Variants in MRPS28 observed in about 807,000 individuals in gnomAD.
MRPS28 encodes the protein mitochondrial ribosomal protein S28.
MRPS28 carries 7 observed loss-of-function variants against 10.8 expected under a neutral mutation model. The ratio of observed to expected loss-of-function variants is 0.65; its 90% CI spans 0.37 to 1.22. The LOEUF is 1.22. MRPS28 is among the 50% of genes most tolerant of loss of function. The pLI, the probability that MRPS28 is intolerant of heterozygous loss-of-function variation, is 0.02. For missense variants in MRPS28, 265 were observed against 232.9 expected (o/e 1.14, Z -0.90); for synonymous variants, 121 against 93.3 (o/e 1.30, Z -1.71).
At chr8:79,963,884 T>C (rs1478555233) in intron 2 of MRPS28, among the ~76,000 whole-genome samples, 4 of 152,060 alleles carry the variant, frequency 2.6e-5, no homozygotes, top group African/African-American at 7.2e-5. Flanking sequence ...AAGTGAGAAC[T>C]GAAAGTCACT....
chr8:79,936,721 A>C (rs1050742489), intron 2 of MRPS28, among the ~76,000 whole-genome samples: 34 of 152,264 alleles, frequency 2.2e-4, no homozygotes, highest in Non-Finnish European at 4.4e-4. Flanking sequence ...GTTAGGTTAC[A>C]AAATATGACA....
At chr8:80,022,834 A>C (rs564901226) in intron 1 of MRPS28, among the ~76,000 whole-genome samples, 1 of 152,332 alleles carries the variant, frequency 6.6e-6, no homozygotes, top group East Asian at 1.9e-4. Flanking sequence ...ATGGAAGTGA[A>C]ATTTCTGAGT....
intron 2 of MRPS28, among the ~76,000 whole-genome samples, chr8:79,981,710 G>A (rs1222292540): frequency 3.3e-5 from 5 of 152,094 alleles, no homozygotes; most frequent in African/African-American, 9.7e-5. Context: ...CACTGAAAGA[G>A]GTATAGCATA....
chr8:79,983,237 C>G (rs1024997423), intron 2 of MRPS28, among the ~76,000 whole-genome samples: 3 of 152,084 alleles, frequency 2.0e-5, no homozygotes, highest in African/African-American at 7.2e-5. Flanking sequence ...GGAAAACTAA[C>G]AAACAGAAAG....
chr8:79,950,002 A>C (rs1017650364), intron 2 of MRPS28, among the ~76,000 whole-genome samples: 1 of 152,228 alleles, frequency 6.6e-6, no homozygotes, highest in Non-Finnish European at 1.5e-5. Context: ...TCACTAAGCT[A>C]TATTTCAGGT....
intron 2 of MRPS28, among the ~76,000 whole-genome samples, chr8:79,999,992 T>C (rs1485993595): frequency 6.6e-6 from 1 of 152,228 alleles, no homozygotes; most frequent in Non-Finnish European, 1.5e-5. Context: ...CCATTTTTAC[T>C]TATGTAATTA....
chr8:79,976,731 A>G (rs1293215090), intron 2 of MRPS28, among the ~76,000 whole-genome samples: 3 of 152,160 alleles, frequency 2.0e-5, no homozygotes, highest in Non-Finnish European at 2.9e-5. Flanking sequence ...GAAAAGAAAA[A>G]CAAAAAGAAA....
intron 2 of MRPS28, among the ~76,000 whole-genome samples, chr8:79,950,023 A>G (rs1807040814): frequency 6.6e-6 from 1 of 152,220 alleles, no homozygotes; most frequent in Non-Finnish European, 1.5e-5. Flanking sequence ...CATATTCAGA[A>G]AAAGTAAAGA....
At chr8:79,944,981 C>A (rs1477890008) in intron 2 of MRPS28, among the ~76,000 whole-genome samples, 1 of 152,108 alleles carries the variant, frequency 6.6e-6, no homozygotes, top group Non-Finnish European at 1.5e-5. Flanking sequence ...AGGCATGAGC[C>A]ACCACAACCA....
At chr8:79,934,472 T>C (rs1202062510) in intron 2 of MRPS28, among the ~76,000 whole-genome samples, 1 of 152,116 alleles carries the variant, frequency 6.6e-6, no homozygotes, top group Non-Finnish European at 1.5e-5. Context: ...AGGGACGAAC[T>C]AAAAAACATT....
chr8:79,922,517 A>C (rs1400883709), intron 2 of MRPS28, among the ~76,000 whole-genome samples: 1 of 152,152 alleles, frequency 6.6e-6, no homozygotes, highest in African/African-American at 2.4e-5. Context: ...TGCATTTGTA[A>C]ATTAGCTCGA....
chr8:79,971,108 A>C (rs898552029), intron 2 of MRPS28, among the ~76,000 whole-genome samples: 1 of 152,210 alleles, frequency 6.6e-6, no homozygotes, highest in Non-Finnish European at 1.5e-5. Flanking sequence ...GAATAAGAGC[A>C]ATCAGTGTGT....
chr8:79,944,874 T>C (rs1449645109), intron 2 of MRPS28, among the ~76,000 whole-genome samples: 1 of 151,932 alleles, frequency 6.6e-6, no homozygotes, highest in Non-Finnish European at 1.5e-5. Context: ...TTTGTATTTT[T>C]AGTAGAGATG....
chr8:79,920,146 T>C (rs1274616116), intron 2 of MRPS28, among the ~76,000 whole-genome samples: 2 of 152,172 alleles, frequency 1.3e-5, no homozygotes, highest in African/African-American at 2.4e-5. Flanking sequence ...CTGCATAGTA[T>C]TCCATGGTGT....
intron 1 of MRPS28, among the ~76,000 whole-genome samples, chr8:80,019,955 A>G (rs1299232548): frequency 6.6e-6 from 1 of 152,230 alleles, no homozygotes; most frequent in African/African-American, 2.4e-5. Flanking sequence ...CACGTGCCCA[A>G]GGAAGTCAGG....
chr8:80,011,078 T>C (rs1270514691), intron 1 of MRPS28, among the ~76,000 whole-genome samples: 2 of 152,196 alleles, frequency 1.3e-5, no homozygotes, highest in Non-Finnish European at 2.9e-5. Context: ...ACTTGCCCTT[T>C]AGAGGTAGTG....
At chr8:79,937,163 A>C (rs892629306) in intron 2 of MRPS28, among the ~76,000 whole-genome samples, 1 of 152,206 alleles carries the variant, frequency 6.6e-6, no homozygotes, top group African/African-American at 2.4e-5. Context: ...TCACCTGGCC[A>C]CAAGCTCTTA....
chr8:79,952,736 C>A (rs1807109257), intron 2 of MRPS28, among the ~76,000 whole-genome samples: 1 of 152,162 alleles, frequency 6.6e-6, no homozygotes, highest in Non-Finnish European at 1.5e-5. Flanking sequence ...GTTTAATATG[C>A]TGACTGGGCC....
At chr8:80,011,404 G>T (rs1272561465) in intron 1 of MRPS28, among the ~76,000 whole-genome samples, 18 of 87,478 alleles carry the variant, frequency 2.1e-4, no homozygotes, top group Non-Finnish European at 3.8e-4. Context: ...TTTCGCTTTG[G>T]CTATTTTTTT....
Sources: gnomAD v4.1 joint callset for allele counts (sites outside exome capture counted in the v4.1 genomes callset) on GRCh38, gnomAD v4.1.1 for gene constraint, MANE v1.5 for transcripts, NCBI Gene and HGNC (gene_info 2026-07-23, HGNC 2026-07-21) for gene names.